Variants in SOX5 observed in about 807,000 individuals in gnomAD.
SOX5 encodes transcription factor SOX-5.
SOX5 carries 9 observed loss-of-function variants against 92.0 expected under a neutral mutation model. The ratio of observed to expected loss-of-function variants is 0.10; its 90% confidence interval spans 0.06 to 0.17. SOX5 has a LOEUF of 0.17. Among genes scored for constraint, SOX5 ranks in the 10% least tolerant of loss-of-function variants. The pLI, the probability that SOX5 is intolerant of heterozygous loss-of-function variation, is 1.00. For synonymous variants in SOX5, 344 were observed against 336.3 expected, an observed-to-expected ratio of 1.02 and a Z score of -0.25; for missense variants, 642 against 944.5, an observed-to-expected ratio of 0.68 and a Z score of 4.20.
At chr12:24,092,721 T>C (rs1391072177) in intron 4 of SOX5, among the ~76,000 whole-genome samples, 1 of 152,250 alleles carries the variant, frequency 6.6e-6, no homozygotes, top group Non-Finnish European at 1.5e-5. Flanking sequence ...ATCTGTAATA[T>C]GGACAAAAAT....
intron 2 of SOX5, among the ~76,000 whole-genome samples, chr12:23,874,268 A>G (rs2096904207): frequency 6.6e-6 from 1 of 152,198 alleles, no homozygotes; most frequent in African/African-American, 2.4e-5. Context: ...TCTAACATTC[A>G]TTTATTTATG....
intron 2 of SOX5, among the ~76,000 whole-genome samples, chr12:24,336,886 T>C (rs1482938263): frequency 6.6e-6 from 1 of 152,218 alleles, no homozygotes; most frequent in East Asian, 1.9e-4. Context: ...AGTTATTTCA[T>C]AGTCAAATGC....
At chr12:24,080,194 A>T (rs567982690) in intron 4 of SOX5, among the ~76,000 whole-genome samples, 1 of 151,988 alleles carries the variant, frequency 6.6e-6, no homozygotes, top group Admixed American at 6.6e-5. Context: ...AGGACAAAAT[A>T]TCTTGAACTG....
intron 10 of SOX5, among the ~76,000 whole-genome samples, chr12:23,570,619 T>A (rs1948002702): frequency 6.6e-6 from 1 of 151,252 alleles, no homozygotes. Context: ...TCTAAAAAAA[T>A]ACAAAAATTG....
chr12:24,160,396 T>C (rs951815117), intron 4 of SOX5, among the ~76,000 whole-genome samples: 3 of 151,970 alleles, frequency 2.0e-5, no homozygotes, highest in East Asian at 3.9e-4. Flanking sequence ...TAGGGGAGGT[T>C]GGAGAAGCTT....
chr12:23,789,433 G>C (rs2095433483), intron 3 of SOX5, among the ~76,000 whole-genome samples: 1 of 152,028 alleles, frequency 6.6e-6, no homozygotes, highest in Non-Finnish European at 1.5e-5. Flanking sequence ...GTGATCCGAA[G>C]GAGAGTGTGA....
At chr12:24,293,881 C>A (rs1030333351) in intron 2 of SOX5, among the ~76,000 whole-genome samples, 2 of 152,040 alleles carry the variant, frequency 1.3e-5, no homozygotes, top group African/African-American at 2.4e-5. Flanking sequence ...AAGTATCAAA[C>A]CTAGTTTATA....
chr12:23,973,268 T>C (rs902505030), intron 4 of SOX5, among the ~76,000 whole-genome samples: 2 of 151,032 alleles, frequency 1.3e-5, no homozygotes, highest in Non-Finnish European at 1.5e-5. Context: ...TTCAAGTGAC[T>C]TCCTGCCTCA....
At chr12:24,031,039 G>C (rs528375340) in intron 4 of SOX5, among the ~76,000 whole-genome samples, 16 of 151,822 alleles carry the variant, frequency 1.1e-4, no homozygotes, top group African/African-American at 3.1e-4. Context: ...AAGACGAAAG[G>C]TAACAAGTGT....
At chr12:24,062,063 TATC>T (rs1243102142) in intron 4 of SOX5, among the ~76,000 whole-genome samples, 1 of 152,132 alleles carries the variant, frequency 6.6e-6, no homozygotes, top group African/African-American at 2.4e-5. Context: ...CATCAAATGG[TATC>T]ATCATCTTTG....
At chr12:23,981,319 A>C (rs1287528089) in intron 4 of SOX5, among the ~76,000 whole-genome samples, 2 of 152,190 alleles carry the variant, frequency 1.3e-5, no homozygotes, top group African/African-American at 2.4e-5. Flanking sequence ...CATTCTGAGA[A>C]ACTCAAAATT....
At chr12:23,759,658 T>A (rs1407377401) in intron 3 of SOX5, among the ~76,000 whole-genome samples, 1 of 152,120 alleles carries the variant, frequency 6.6e-6, no homozygotes, top group East Asian at 1.9e-4. Context: ...AGAAAATGCA[T>A]GTTTCAAAAT....
At chr12:23,695,940 C>CAAAAAAAAAAAAAA (rs71059917) in intron 6 of SOX5, among the ~76,000 whole-genome samples, 5 of 11,906 alleles carry the variant, frequency 4.2e-4, no homozygotes, top group Admixed American at 1.3e-3. Flanking sequence ...GACTCTGTCT[C>CAAAAAAAAAAAAAA]AAAAAAAAAA....
chr12:23,807,355 T>C (rs1001790248), intron 3 of SOX5, among the ~76,000 whole-genome samples: 4 of 152,072 alleles, frequency 2.6e-5, no homozygotes, highest in African/African-American at 7.2e-5. Flanking sequence ...TGAGATAAGG[T>C]CATTAGAGTG....
intron 2 of SOX5, among the ~76,000 whole-genome samples, chr12:24,313,729 C>T (rs764040403): frequency 2.0e-4 from 30 of 152,152 alleles, no homozygotes; most frequent in Non-Finnish European, 7.4e-5. Context: ...TATTCATACG[C>T]TCTCTTTCTT....
intron 4 of SOX5, among the ~76,000 whole-genome samples, chr12:23,996,551 T>TTCATAATAGACAAAAGATGA (rs1951049552): frequency 6.6e-6 from 1 of 152,110 alleles, no homozygotes; most frequent in African/African-American, 2.4e-5. Flanking sequence ...AAGATGAAAA[T>TTCATAATAGACAAAAGATGA]AACCCCAATA....
intron 8 of SOX5, chr12:23,632,227 A>C (rs1469132145): frequency 2.6e-5 from 4 of 152,144 alleles, no homozygotes; most frequent in Admixed American, 6.6e-5. Flanking sequence ...AGAGGAAAAG[A>C]AGGAATTCAG....
chr12:24,291,642 A>G (rs539129623), intron 2 of SOX5, among the ~76,000 whole-genome samples: 1 of 152,366 alleles, frequency 6.6e-6, no homozygotes, highest in East Asian at 1.9e-4. Flanking sequence ...GTACAGTTGT[A>G]ACACTTTCTA....
At chr12:23,631,516 G>A (rs2078535702) in intron 8 of SOX5, among the ~76,000 whole-genome samples, 1 of 151,990 alleles carries the variant, frequency 6.6e-6, no homozygotes, top group Admixed American at 6.6e-5. Flanking sequence ...TACATCTACT[G>A]CTGGTCTTGG....
Sources: allele counts gnomAD v4.1 joint callset (sites outside exome capture counted in the v4.1 genomes callset), GRCh38; gene constraint gnomAD v4.1.1; transcripts MANE v1.5; gene names NCBI Gene and HGNC (gene_info 2026-07-23, HGNC 2026-07-21).